PITPNC1: variants seen among roughly 807,000 people sequenced by gnomAD.
The protein encoded by PITPNC1 is cytoplasmic phosphatidylinositol transfer protein 1.
A neutral mutation model predicts 44.7 loss-of-function variants in PITPNC1; 18 were observed. The ratio of observed to expected loss-of-function variants is 0.40; its 90% CI spans 0.28 to 0.60. The LOEUF is 0.60. PITPNC1 is among the 20% of genes least tolerant of loss of function. The pLI is 0.39. For synonymous variants in PITPNC1, 141 were observed against 149.6 expected (o/e 0.94, Z 0.42); for missense variants, 290 against 418.4 (o/e 0.69, Z 2.68).
intron 1 of PITPNC1, among the ~76,000 whole-genome samples, chr17:67,502,729 T>TATTGCATTGC (rs1265926396): frequency 5.5e-4 from 80 of 145,436 alleles, no homozygotes; most frequent in African/African-American, 2.0e-3. Flanking sequence ...GAAGTAAGAT[T>TATTGCATTGC]ATTGCATTGC....
chr17:67,404,985 G>A (rs565335491), intron 1 of PITPNC1, among the ~76,000 whole-genome samples: 95 of 152,156 alleles, frequency 6.2e-4, no homozygotes, highest in Non-Finnish European at 2.1e-4. Context: ...CGTCACTCAC[G>A]CCTATGATCC....
intron 5 of PITPNC1, among the ~76,000 whole-genome samples, chr17:67,615,679 A>G (rs1392382162): frequency 6.6e-6 from 1 of 152,172 alleles, no homozygotes. Flanking sequence ...TCCAGGTTCA[A>G]TATCGATTTG....
chr17:67,410,159 A>G (rs202038186), intron 1 of PITPNC1, among the ~76,000 whole-genome samples: 1 of 152,232 alleles, frequency 6.6e-6, no homozygotes, highest in East Asian at 1.9e-4. Context: ...CATTACTAAA[A>G]AGAAACAAGT....
intron 6 of PITPNC1, among the ~76,000 whole-genome samples, chr17:67,655,253 T>C (rs906325904): frequency 1.6e-4 from 24 of 151,734 alleles, no homozygotes; most frequent in African/African-American, 5.8e-4. Flanking sequence ...CTATCCAGAG[T>C]TTCTTTTATA....
Position 67,669,549 on chromosome 17 carries a change from G to C in PITPNC1, c.504G>C (p.Gln168His). ...AGTCAGAGAAGACAGGACGGGGACAGTTGAGGGAAGGCTGGAGAGATAGTC... is the reference window on the plus strand; with the variant it reads ...AGTCAGAGAAGACAGGACGGGGACACTTGAGGGAAGGCTGGAGAGATAGTC... ...HFKSEKTGRG[Q>H]LREGWRDSHQ... Residue 168 changes from glutamine to histidine, a missense_variant, in exon 7 of 9, where the codon CAG (glutamine) becomes CAC (histidine). Coordinates refer to ENST00000581322, the MANE Select transcript of PITPNC1 (RefSeq NM_012417.4). 1 of 1,610,950 alleles carries C rather than the reference G, an allele frequency of 6.2e-7. No individual in the cohort carries two copies. The highest frequency in any genetic ancestry group is 8.5e-7 in the Non-Finnish European group (1 of 1,178,164).
At chr17:67,620,805 T>A (rs2144311892) in intron 5 of PITPNC1, among the ~76,000 whole-genome samples, 1 of 152,314 alleles carries the variant, frequency 6.6e-6, no homozygotes, top group African/African-American at 2.4e-5. Context: ...GTGGAGCGTT[T>A]GATGGGGATT....
At chr17:67,483,191 C>T (rs1304176185) in intron 1 of PITPNC1, among the ~76,000 whole-genome samples, 2 of 152,138 alleles carry the variant, frequency 1.3e-5, no homozygotes, top group Non-Finnish European at 2.9e-5. Flanking sequence ...TCATGAGGGA[C>T]ATTTCTTGAT....
In PITPNC1 at chr17:67,590,060, G is replaced by T. The variant is rs1169479713; in HGVS notation, c.366+11803G>T. Among the ~76,000 whole-genome samples, 9 of 152,124 alleles carry T rather than the reference G, an allele frequency of 5.9e-5. No individual in the cohort carries two copies. In the East Asian group the frequency reaches 1.5e-3, roughly 26 times the overall value. ...ATGAGATTGGCTACCTACAGTGGGG[G>T]TGTGTGGAAACGGGGTAGAGATGGT... On this transcript the variant is annotated intron_variant, in intron 5 of 8. Transcript: ENST00000581322.
At chr17:67,598,025 C>T (rs1193264691) in intron 5 of PITPNC1, among the ~76,000 whole-genome samples, 1 of 152,138 alleles carries the variant, frequency 6.6e-6, no homozygotes, top group Non-Finnish European at 1.5e-5. Context: ...AGATCAAGAC[C>T]ATCCTGGCCA....
rs1160522771 is a variant in PITPNC1 at position 67,425,193 on chromosome 17, G to GCGCGCGCGCGCGCGCACA, written c.48+46992_48+46993insGCGCGCGCGCGCGCACAC. ...AAATAAACAGCCATGTTGTGCGCGC[G>GCGCGCGCGCGCGCGCACA]CACGCACACGCACACACACACACAC... is the stretch of plus-strand genomic sequence containing the variant. On this transcript the variant is annotated intron_variant, in intron 1 of 8. Transcript: ENST00000581322. 1.3e-4 allele frequency among the ~76,000 whole-genome samples: 7 copies of GCGCGCGCGCGCGCGCACA among 52,122 alleles called. 1 individual carries two copies. In the East Asian group the frequency reaches 1.7e-3, roughly 12 times the overall value. 34.2% of individuals were successfully genotyped at this position (52,122 alleles called of 152,430 possible). A position where few individuals can be genotyped will look rare whatever the true frequency, so the allele number is the denominator to read the frequency against.
At chr17:67,525,466 A>G (rs768326453) in intron 1 of PITPNC1, 14 of 152,260 alleles carry the variant, frequency 9.2e-5, no homozygotes, top group Non-Finnish European at 1.5e-4. Flanking sequence ...TTTGCCAACC[A>G]TTAGACTAGA....
intron 5 of PITPNC1, among the ~76,000 whole-genome samples, chr17:67,626,751 G>C (rs530584969): frequency 6.6e-6 from 1 of 151,342 alleles, no homozygotes. Context: ...ACCCTGCACT[G>C]AGCCCTGTGG....
At chr17:67,570,483 A>G (rs1445690457) in intron 4 of PITPNC1, among the ~76,000 whole-genome samples, 1 of 152,192 alleles carries the variant, frequency 6.6e-6, no homozygotes, top group Non-Finnish European at 1.5e-5. Flanking sequence ...GCATCCTTGC[A>G]TCTTCATAGT....
chr17:67,645,100 G>A (rs1015615777), intron 6 of PITPNC1, among the ~76,000 whole-genome samples: 1 of 152,106 alleles, frequency 6.6e-6, no homozygotes, highest in African/African-American at 2.4e-5. Flanking sequence ...CAGCACTTTG[G>A]GAGGCCGAGG....
At chr17:67,460,670 C>T (rs1198406648) in intron 1 of PITPNC1, among the ~76,000 whole-genome samples, 11 of 149,966 alleles carry the variant, frequency 7.3e-5, no homozygotes, top group Non-Finnish European at 1.6e-4. Flanking sequence ...TCACCTCGGC[C>T]TCCCAAAGTG....
intron 8 of PITPNC1, 49 bp from the exon 9 acceptor site, chr17:67,692,523 C>T (rs763372703): frequency 1.5e-6 from 2 of 1,351,150 alleles, no homozygotes; most frequent in Non-Finnish European, 2.1e-6. Context: ...ATCTATTTGC[C>T]TCTCTTATAA....
intron 1 of PITPNC1, among the ~76,000 whole-genome samples, chr17:67,412,884 C>T (rs1395990213): frequency 1.3e-5 from 2 of 152,154 alleles, no homozygotes; most frequent in African/African-American, 2.4e-5. Flanking sequence ...TCTCTTTATA[C>T]TTAACTTCCT....
chr17:67,662,943 C>A (rs75880236), intron 6 of PITPNC1, among the ~76,000 whole-genome samples: 3,711 of 152,174 alleles, frequency 0.024, 138 homozygotes, highest in African/African-American at 0.083. Context: ...ATTCCATGGG[C>A]ACCTAGATTG....
At chr17:67,621,388 T>G (rs1204589449) in intron 5 of PITPNC1, among the ~76,000 whole-genome samples, 1 of 151,786 alleles carries the variant, frequency 6.6e-6, no homozygotes, top group South Asian at 2.1e-4. Flanking sequence ...TTGTATTTTT[T>G]GTAGAGACGG....
Sources: gnomAD v4.1 joint callset for allele counts (sites outside exome capture counted in the v4.1 genomes callset) on GRCh38, gnomAD v4.1.1 for gene constraint, MANE v1.5 for transcripts, NCBI Gene and HGNC (gene_info 2026-07-23, HGNC 2026-07-21) for gene names.